MAGI2: variants seen among roughly 807,000 people sequenced by gnomAD.
MAGI2 encodes membrane-associated guanylate kinase, WW and PDZ domain-containing protein 2.
A neutral mutation model predicts 133.3 loss-of-function variants in MAGI2; 35 were observed. That is an observed-to-expected ratio of 0.26 (90% CI 0.20 to 0.35). The LOEUF is 0.35. MAGI2 is among the 10% of genes least tolerant of loss of function. MAGI2 has a pLI of 1.00. For missense variants in MAGI2, 1,636 were observed against 1,863.4 expected (o/e 0.88, Z 2.25); for synonymous variants, 729 against 710.6 (o/e 1.03, Z -0.41).
chr7:79,391,540 C>CATATATATATATATATATAT (rs1198335417), intron 1 of MAGI2, among the ~76,000 whole-genome samples: 2 of 46,694 alleles, frequency 4.3e-5, no homozygotes, highest in East Asian at 5.5e-4. Flanking sequence ...TATATATAGA[C>CATATATATATATATATATAT]ATATATATAT....
Position 78,879,431 on chromosome 7 carries a change from C to A in MAGI2, c.418+127659G>T, listed in dbSNP as rs117653657. Among the ~76,000 whole-genome samples the A allele has an allele frequency of 5.2e-3, 790 of 152,188 alleles. 8 individuals carry two copies. The highest frequency in any genetic ancestry group is 9.3e-3 in the Non-Finnish European group (631 of 68,020). ...CTGGCCTGTAGGTTGAACTGCAGAA[C>A]CCAACGTAAAACTGGTCAATGGAAG... On this transcript the variant is annotated intron_variant, in intron 2 of 21. Coordinates refer to ENST00000354212, the MANE Select transcript of MAGI2 (RefSeq NM_012301.4).
chr7:78,094,723 A>T (rs1020216167), intron 20 of MAGI2, among the ~76,000 whole-genome samples: 1 of 152,184 alleles, frequency 6.6e-6, no homozygotes, highest in African/African-American at 2.4e-5. Flanking sequence ...TATTTTTCCA[A>T]TAACTGCTAC....
At chr7:79,124,357 T>C (rs1820201333) in intron 1 of MAGI2, among the ~76,000 whole-genome samples, 1 of 152,224 alleles carries the variant, frequency 6.6e-6, no homozygotes, top group Non-Finnish European at 1.5e-5. Flanking sequence ...TAAAATTTCA[T>C]TGCTCATGTA....
At chr7:78,530,468 G>A (rs2150620870) in intron 3 of MAGI2, among the ~76,000 whole-genome samples, 1 of 152,304 alleles carries the variant, frequency 6.6e-6, no homozygotes, top group East Asian at 1.9e-4. Context: ...AATAAGCATG[G>A]ACTTGTGTGA....
chr7:79,033,547 A>G (rs1426924964), intron 1 of MAGI2, among the ~76,000 whole-genome samples: 2 of 152,208 alleles, frequency 1.3e-5, no homozygotes, highest in Non-Finnish European at 2.9e-5. Context: ...CCAAGACTCA[A>G]TACTCCAAAG....
At chr7:78,704,780 T>TTTTTTTTTCC (rs1818448080) in intron 2 of MAGI2, among the ~76,000 whole-genome samples, 1 of 140,368 alleles carries the variant, frequency 7.1e-6, no homozygotes, top group African/African-American at 2.8e-5. Flanking sequence ...CCATTATTCT[T>TTTTTTTTTCC]TTTTTTTTTT....
chr7:78,226,438 A>G (rs1418668037), intron 10 of MAGI2, among the ~76,000 whole-genome samples: 1 of 152,112 alleles, frequency 6.6e-6, no homozygotes, highest in Non-Finnish European at 1.5e-5. Context: ...TTTCAACTTT[A>G]TAGCTGAGCC....
intron 4 of MAGI2, among the ~76,000 whole-genome samples, chr7:78,504,303 G>A (rs1424601294): frequency 6.6e-6 from 1 of 151,998 alleles, no homozygotes; most frequent in Non-Finnish European, 1.5e-5. Context: ...AGGCTTAATT[G>A]TATAATGGGG....
chr7:78,624,808 T>G (rs1808159909), intron 3 of MAGI2, among the ~76,000 whole-genome samples: 1 of 152,178 alleles, frequency 6.6e-6, no homozygotes, highest in Non-Finnish European at 1.5e-5. Flanking sequence ...CATACGGTTA[T>G]GTATAGCGTG....
At chr7:78,997,315 G>A (rs1226918150) in intron 2 of MAGI2, among the ~76,000 whole-genome samples, 1 of 151,966 alleles carries the variant, frequency 6.6e-6, no homozygotes. Flanking sequence ...TAATAAAAGC[G>A]GGATCCAGCC....
At chr7:78,857,825 A>G (rs939175080) in intron 2 of MAGI2, among the ~76,000 whole-genome samples, 1 of 152,230 alleles carries the variant, frequency 6.6e-6, no homozygotes, top group African/African-American at 2.4e-5. Context: ...TTCAGAAGGA[A>G]TGGTACCAGA....
At chr7:78,909,429 T>TAAAAA in intron 2 of MAGI2, among the ~76,000 whole-genome samples, 1 of 132,928 alleles carries the variant, frequency 7.5e-6, no homozygotes, top group Non-Finnish European at 1.6e-5. Flanking sequence ...CCGTCTCTAC[T>TAAAAA]AAAAAAAAAA....
intron 6 of MAGI2, among the ~76,000 whole-genome samples, chr7:78,423,547 G>C (rs1052077820): frequency 1.3e-5 from 2 of 152,194 alleles, no homozygotes; most frequent in Admixed American, 6.5e-5. Context: ...ACAGGCAGAG[G>C]TTGGAACAGT....
At chr7:78,817,459 G>C (rs1327410106) in intron 2 of MAGI2, among the ~76,000 whole-genome samples, 2 of 152,106 alleles carry the variant, frequency 1.3e-5, no homozygotes, top group African/African-American at 4.8e-5. Flanking sequence ...GTGAAAGAAA[G>C]AGTTAATCCA....
At chr7:78,556,452 A>G (rs779997533) in intron 3 of MAGI2, among the ~76,000 whole-genome samples, 2 of 152,216 alleles carry the variant, frequency 1.3e-5, no homozygotes, top group South Asian at 2.1e-4. Flanking sequence ...TGGGAACTGC[A>G]TATCTTCATA....
intron 1 of MAGI2, among the ~76,000 whole-genome samples, chr7:79,349,619 A>C (rs28533601): frequency 0.015 from 2,332 of 152,126 alleles, 51 homozygotes; most frequent in African/African-American, 0.055. Context: ...CATGGCTTAA[A>C]AGTGGCAGTG....
At chr7:78,832,488 TA>T (rs1791264750) in intron 2 of MAGI2, among the ~76,000 whole-genome samples, 1 of 152,180 alleles carries the variant, frequency 6.6e-6, no homozygotes, top group Non-Finnish European at 1.5e-5. Flanking sequence ...TAAAATAGTT[TA>T]GGGGGCCATC....
chr7:78,167,948 T>C lies in MAGI2; in HGVS notation c.2564A>G (p.Asn855Ser). The change falls in exon 15 of 22, where the codon AAC becomes AGC. Residue 855 changes from asparagine to serine, a missense_variant. By Grantham distance (46) the Asn-to-Ser change is conservative (BLOSUM62 1). This residue lies in a region of MAGI2 where 920 missense variants were observed against 1,093.5 expected (regional missense o/e 0.84). Coordinates refer to ENST00000354212, the MANE Select transcript of MAGI2 (RefSeq NM_012301.4). ...MHHAARNGQV[N>S]LTVRRKVLCG... is the part of the protein sequence containing the mutation. ...TAGCACCTTTCTTCTCACAGTGAGG[T>C]TGACCTGCCCATTGCGGGCTGCGTG... is the stretch of plus-strand genomic sequence containing the variant. The C allele has an allele frequency of 4.3e-6, 7 of 1,614,108 alleles. No individual in the cohort carries two copies. Among genetic ancestry groups the C allele is most frequent in the Non-Finnish European group, 5.9e-6 (7 of 1,180,008 alleles).
chr7:79,159,861 T>C (rs1011350630), intron 1 of MAGI2, among the ~76,000 whole-genome samples: 1 of 152,104 alleles, frequency 6.6e-6, no homozygotes, highest in Non-Finnish European at 1.5e-5. Flanking sequence ...TAAAGTATCT[T>C]TTGGACATGT....
Sources: gnomAD v4.1 joint callset for allele counts (sites outside exome capture counted in the v4.1 genomes callset) on GRCh38, gnomAD v4.1.1 for gene constraint, gnomAD v4.1.1 regional missense constraint, MANE v1.5 for transcripts, NCBI Gene and HGNC (gene_info 2026-07-23, HGNC 2026-07-21) for gene names.